The following EPSTI1 variants were observed in gnomAD, a reference collection of about 807,000 sequenced individuals.
The protein encoded by EPSTI1 is epithelial stromal interaction 1.
EPSTI1 carries 66 observed loss-of-function variants against 49.9 expected under a neutral mutation model. The ratio of observed to expected loss-of-function variants is 1.32; its 90% CI spans 1.08 to 1.62. The LOEUF is 1.62. EPSTI1 is among the 40% of genes most tolerant of loss of function. EPSTI1 has a pLI of 0.00. For missense variants in EPSTI1, 394 were observed against 365.5 expected, an observed-to-expected ratio of 1.08 and a Z score of -0.64; for synonymous variants, 137 against 130.7, an observed-to-expected ratio of 1.05 and a Z score of -0.33.
intron 6 of EPSTI1, 110 bp from the exon 7 acceptor site, chr13:42,926,539 C>A: frequency 1.3e-6 from 1 of 748,174 alleles, no homozygotes; most frequent in South Asian, 1.4e-5. Flanking sequence ...TTAAAATTAT[C>A]TTCAGCAGAA....
intron 1 of EPSTI1, among the ~76,000 whole-genome samples, chr13:42,975,045 A>G (rs1220016457): frequency 6.6e-6 from 1 of 152,194 alleles, no homozygotes; most frequent in African/African-American, 2.4e-5. Flanking sequence ...ATCCTTGGGT[A>G]TATATAAATT....
At chr13:42,923,041 C>T (rs936009835) in intron 7 of EPSTI1, among the ~76,000 whole-genome samples, 1 of 152,104 alleles carries the variant, frequency 6.6e-6, no homozygotes, top group Non-Finnish European at 1.5e-5. Flanking sequence ...GATTTAGACT[C>T]GAGGCCAGTC....
Position 42,969,215 on chromosome 13 carries a change from G to T in EPSTI1, c.248-38C>A, listed in dbSNP as rs113269148. On this transcript the variant is annotated intron_variant, in intron 2 of 10. Transcript: ENST00000313624. ...AGAAATATCAAATCGTCAATTATTA[G>T]ACTTCTAAAAGAAAACCAGTCCCTT... The T allele has an allele frequency of 8.6e-5, 137 of 1,597,044 alleles. No homozygotes were observed. In the African/African-American group the frequency reaches 1.2e-3, roughly 14 times the overall value.
chr13:42,937,287 T>C (rs746761072), intron 6 of EPSTI1, among the ~76,000 whole-genome samples: 1 of 152,238 alleles, frequency 6.6e-6, no homozygotes, highest in Non-Finnish European at 1.5e-5. Flanking sequence ...AGGCTCTTGT[T>C]GATAACCTGC....
At chr13:42,910,116 T>C (rs1365333818) in intron 8 of EPSTI1, among the ~76,000 whole-genome samples, 1 of 152,166 alleles carries the variant, frequency 6.6e-6, no homozygotes, top group Non-Finnish European at 1.5e-5. Flanking sequence ...CAGGAAAGTT[T>C]TTAATTTTTT....
At chr13:42,983,587 A>AAAAAAAAAAC (rs2040027216) in intron 1 of EPSTI1, among the ~76,000 whole-genome samples, 1 of 148,960 alleles carries the variant, frequency 6.7e-6, no homozygotes, top group Non-Finnish European at 1.5e-5. Context: ...AAAAAAAAAA[A>AAAAAAAAAAC]AACAATGATA....
At chr13:42,942,910 G>A (rs577161599) in intron 6 of EPSTI1, among the ~76,000 whole-genome samples, 10 of 151,518 alleles carry the variant, frequency 6.6e-5, no homozygotes, top group Non-Finnish European at 1.2e-4. Context: ...GGATGGTCTC[G>A]ATCTCCTGAC....
chr13:42,984,815 G>T (rs762921861), intron 1 of EPSTI1, among the ~76,000 whole-genome samples: 1 of 152,218 alleles, frequency 6.6e-6, no homozygotes, highest in Non-Finnish European at 1.5e-5. Context: ...CTGGTGGGAC[G>T]CATTAAGGTT....
intron 6 of EPSTI1, among the ~76,000 whole-genome samples, chr13:42,941,854 G>T (rs1347398766): frequency 2.0e-5 from 3 of 151,792 alleles, no homozygotes; most frequent in Admixed American, 2.0e-4. Context: ...CATATATTGG[G>T]TACATTTTAT....
At position 42,922,747 on chromosome 13, in the gene EPSTI1, G is replaced by C. The variant is rs532643218; in HGVS notation, c.657+3589C>G. On this transcript the variant is annotated intron_variant, in intron 7 of 10. Transcript: ENST00000313624. This position sits in a 1 kb window ranked among gnomAD's most constrained non-coding sequence, Gnocchi z 4.8. The stretch of plus-strand genomic sequence containing the variant: ...TTGACTTCTTAATGAATGAGCATGT[G>C]ACACGTAGATAAAAATTACAATAAT... Among the ~76,000 whole-genome samples, 9 of 152,290 alleles carry C rather than the reference G, an allele frequency of 5.9e-5. No homozygotes were observed. The South Asian group carries it at 1.9e-3, about 32-fold the overall frequency.
intron 6 of EPSTI1, among the ~76,000 whole-genome samples, chr13:42,929,827 A>AC (rs1400302727): frequency 1.3e-5 from 2 of 152,186 alleles, no homozygotes; most frequent in African/African-American, 4.8e-5. Flanking sequence ...GGGATAAAAA[A>AC]CCCCACACAG....
chr13:42,969,481 A>G (rs1199222128), intron 2 of EPSTI1: 1 of 318,188 alleles, frequency 3.1e-6, no homozygotes, highest in Non-Finnish European at 5.7e-6. Context: ...ACTCTATATC[A>G]AGTTAATTTT....
chr13:42,925,613 GC>G (rs1464449255), intron 7 of EPSTI1, among the ~76,000 whole-genome samples: 1 of 152,152 alleles, frequency 6.6e-6, no homozygotes, highest in Non-Finnish European at 1.5e-5. Flanking sequence ...CACCGTTCCT[GC>G]TCATTTCTAT....
At chr13:42,911,264 T>TGTGTGCGCGC (rs549150890) in intron 8 of EPSTI1, among the ~76,000 whole-genome samples, 108 of 148,548 alleles carry the variant, frequency 7.3e-4, no homozygotes, top group African/African-American at 1.8e-3. Context: ...TGTGTGTGTG[T>TGTGTGCGCGC]GCGCGCGCAC....
chr13:42,945,061 A>T (rs2038878330), intron 6 of EPSTI1, among the ~76,000 whole-genome samples: 1 of 152,120 alleles, frequency 6.6e-6, no homozygotes, highest in African/African-American at 2.4e-5. Flanking sequence ...TAAATCACCT[A>T]CGTATTAGTC....
intron 7 of EPSTI1, chr13:42,919,447 TAATAC>T (rs1384829692): frequency 1.1e-6 from 1 of 916,688 alleles, no homozygotes; most frequent in Non-Finnish European, 1.7e-6. Context: ...AATATTCATT[TAATAC>T]AATACCAATG....
chr13:42,922,984 C>G lies in EPSTI1; in HGVS notation c.657+3352G>C, dbSNP rs1004353577. On this transcript the variant is annotated intron_variant, in intron 7 of 10. Transcript: ENST00000313624. The surrounding 1 kb of genome is among the most constrained non-coding windows in gnomAD (Gnocchi z 4.8). The stretch of plus-strand genomic sequence containing the variant: ...TTTCAAAAGCTTTGCTTCCCCTTAC[C>G]TTGCTTGCAAAAGCTTTGCTTCCCC... Among the ~76,000 whole-genome samples, 1 of 152,112 alleles carries G rather than the reference C, an allele frequency of 6.6e-6. No individual in the cohort carries two copies. The highest frequency in any genetic ancestry group is 6.5e-5 in the Admixed American group (1 of 15,274).
At chr13:42,935,028 T>C (rs1207143172) in intron 6 of EPSTI1, 1 of 152,398 alleles carries the variant, frequency 6.6e-6, no homozygotes, top group Non-Finnish European at 1.5e-5. Flanking sequence ...TTTCTTGATT[T>C]CTTGGTCTCC....
chr13:42,942,290 CT>C (rs1192985033), intron 6 of EPSTI1, among the ~76,000 whole-genome samples: 2 of 152,012 alleles, frequency 1.3e-5, no homozygotes, highest in African/African-American at 4.8e-5. Flanking sequence ...ATAATTTAGC[CT>C]GTATACATTT....
Sources: gnomAD v4.1 joint callset for allele counts (sites outside exome capture counted in the v4.1 genomes callset) on GRCh38, gnomAD v4.1.1 for gene constraint, Gnocchi (gnomAD v3.1) non-coding constraint, MANE v1.5 for transcripts, NCBI Gene and HGNC (gene_info 2026-07-23, HGNC 2026-07-21) for gene names.